Variants in GMDS observed in about 807,000 individuals in gnomAD.
GMDS encodes GDP-mannose 4,6 dehydratase.
GMDS carries 20 observed loss-of-function variants against 49.9 expected under a neutral mutation model. That is an observed-to-expected ratio of 0.40 (90% confidence interval 0.28 to 0.58). GMDS has a LOEUF of 0.58. Among genes scored for constraint, GMDS ranks in the 20% least tolerant of loss-of-function variants. The probability of loss-of-function intolerance (pLI) is 0.42; values close to 1 mark genes in which losing one functional copy is unlikely to be tolerated. For synonymous variants in GMDS, 177 were observed against 178.6 expected, an observed-to-expected ratio of 0.99 and a Z score of 0.07; for missense variants, 362 against 481.4, an observed-to-expected ratio of 0.75 and a Z score of 2.32.
In GMDS at chr6:1,836,406, C is replaced by T. The variant is rs1198438647; in HGVS notation, c.771+93697G>A. On this transcript the variant is annotated intron_variant, in intron 7 of 10. Coordinates refer to ENST00000380815, the MANE Select transcript of GMDS (RefSeq NM_001500.4). The surrounding 1 kb of genome is among the most constrained non-coding windows in gnomAD (Gnocchi z 4.2). ...GCAACTGCTACGCTATTTCACTAAA[C>T]TGAAAAAGGCATTTGTGTTGCCTGT... Among the ~76,000 whole-genome samples the T allele has an allele frequency of 6.6e-6, 1 of 152,182 alleles. No homozygotes were observed. The highest frequency in any genetic ancestry group is 1.9e-4 in the East Asian group (1 of 5,198).
rs2113602059 is a variant in GMDS at position 1,778,491 on chromosome 6, T to C, written c.772-35905A>G. Among the ~76,000 whole-genome samples, 1 of 152,294 alleles carries C rather than the reference T, an allele frequency of 6.6e-6. No individual in the cohort carries two copies. Among genetic ancestry groups the C allele is most frequent in the Middle Eastern group, 3.4e-3 (1 of 294 alleles). ...GGAATTCAAGAGGAGGGGGCAGCCT[T>C]CCTGACCTGGAACTTACTCCAGCCT... On this transcript the variant is annotated intron_variant, in intron 7 of 10. Coordinates refer to ENST00000380815, the MANE Select transcript of GMDS (RefSeq NM_001500.4). The surrounding 1 kb of genome is among the most constrained non-coding windows in gnomAD (Gnocchi z 4.6).
chr6:2,114,579 G>A (rs926198397), intron 4 of GMDS, among the ~76,000 whole-genome samples: 4 of 152,214 alleles, frequency 2.6e-5, no homozygotes, highest in Admixed American at 1.3e-4. Context: ...TTTGGTGAAA[G>A]TCTGGATATA....
At chr6:1,664,861 C>G (rs540112900) in intron 9 of GMDS, among the ~76,000 whole-genome samples, 1 of 152,298 alleles carries the variant, frequency 6.6e-6, no homozygotes, top group African/African-American at 2.4e-5. Flanking sequence ...CATTTTGAAA[C>G]TAAAGTTAGA....
At chr6:1,861,969 G>A (rs1169537780) in intron 7 of GMDS, among the ~76,000 whole-genome samples, 9 of 152,050 alleles carry the variant, frequency 5.9e-5, no homozygotes, top group Admixed American at 5.9e-4. Context: ...ATATATTTAG[G>A]AAAAGAGAAC....
At chr6:1,987,114 C>T (rs1364602870) in intron 4 of GMDS, among the ~76,000 whole-genome samples, 1 of 152,154 alleles carries the variant, frequency 6.6e-6, no homozygotes, top group Non-Finnish European at 1.5e-5. Context: ...GTGCTAGAAG[C>T]TTCCCTACTA....
intron 1 of GMDS, among the ~76,000 whole-genome samples, chr6:2,157,983 A>G (rs1777191358): frequency 6.6e-6 from 1 of 152,156 alleles, no homozygotes; most frequent in Non-Finnish European, 1.5e-5. Flanking sequence ...TGCCTGATAC[A>G]GTTCTGATTC....
At chr6:1,936,717 A>G (rs1216764310) in intron 6 of GMDS, among the ~76,000 whole-genome samples, 1 of 152,198 alleles carries the variant, frequency 6.6e-6, no homozygotes, top group Non-Finnish European at 1.5e-5. Context: ...CTGTAATCCC[A>G]ACACTTTGGG....
At chr6:1,659,070 C>G (rs901683969) in intron 9 of GMDS, among the ~76,000 whole-genome samples, 1 of 152,168 alleles carries the variant, frequency 6.6e-6, no homozygotes, top group Non-Finnish European at 1.5e-5. Flanking sequence ...TCCTCATGAA[C>G]CATGGGCCTC....
At chr6:1,624,723 G>A (rs1762793132) in intron 9 of GMDS, 183 bp from the exon 10 acceptor site, 2 of 606,132 alleles carry the variant, frequency 3.3e-6, no homozygotes, top group African/African-American at 1.9e-5. Context: ...TCACTAGGTC[G>A]CGGTTAAGAA....
intron 4 of GMDS, among the ~76,000 whole-genome samples, chr6:1,989,310 T>A (rs577901735): frequency 6.6e-6 from 1 of 152,252 alleles, no homozygotes; most frequent in South Asian, 2.1e-4. Context: ...GTAAAAAGGC[T>A]GTTAATGGAA....
At chr6:2,124,834 T>A in intron 1 of GMDS, 103 bp from the exon 2 acceptor site, 2 of 798,780 alleles carry the variant, frequency 2.5e-6, no homozygotes, top group South Asian at 1.5e-5. Flanking sequence ...CTACCTAACT[T>A]AAGGACAATG....
intron 1 of GMDS, among the ~76,000 whole-genome samples, chr6:2,176,208 A>G (rs1467862223): frequency 6.6e-6 from 1 of 152,196 alleles, no homozygotes; most frequent in Non-Finnish European, 1.5e-5. Flanking sequence ...CACTATATTT[A>G]TTAATTATAT....
chr6:2,229,096 G>T (rs1780956624), intron 1 of GMDS, among the ~76,000 whole-genome samples: 1 of 152,200 alleles, frequency 6.6e-6, no homozygotes, highest in Admixed American at 6.5e-5. Context: ...ACTGCAGATG[G>T]GGTGAGAGAG....
rs1455735342 is a variant in GMDS, at chr6:1,803,977, GTT to G, written c.772-61393_772-61392del. ...CACAGGTATGATTTAGTGTCTCTGAGTTTTAATACACATTTTGAAAGAAGTGC... is the reference window on the plus strand; with the variant it reads ...CACAGGTATGATTTAGTGTCTCTGAGTTAATACACATTTTGAAAGAAGTGC... On this transcript the variant is annotated intron_variant, in intron 7 of 10. Coordinates refer to ENST00000380815, the MANE Select transcript of GMDS (RefSeq NM_001500.4). Among the ~76,000 whole-genome samples the G allele has an allele frequency of 3.3e-5, 5 of 152,150 alleles. No individual in the cohort carries two copies. The South Asian group carries it at 6.2e-4, about 19-fold the overall frequency.
chr6:1,796,475 C>T (rs1458114925), intron 7 of GMDS, among the ~76,000 whole-genome samples: 1 of 152,150 alleles, frequency 6.6e-6, no homozygotes, highest in African/African-American at 2.4e-5. Context: ...GAGAGGGGCC[C>T]AGGAAACTCT....
At chr6:1,685,147 A>C (rs142523136) in intron 9 of GMDS, among the ~76,000 whole-genome samples, 1 of 152,180 alleles carries the variant, frequency 6.6e-6, no homozygotes, top group Non-Finnish European at 1.5e-5. Context: ...CTGTAATCCT[A>C]GCACTTTGGG....
intron 1 of GMDS, among the ~76,000 whole-genome samples, chr6:2,208,165 C>T (rs754246240): frequency 6.5e-4 from 99 of 152,228 alleles, no homozygotes; most frequent in African/African-American, 3.6e-4. Flanking sequence ...CTGCTGATTA[C>T]GGGGTCAACG....
Position 1,856,456 on chromosome 6 carries a change from T to C in GMDS, c.771+73647A>G, listed in dbSNP as rs552261867. ...AGCTACCATATGGAGTGCCAAACTC[T>C]ACCACTGCTGTAGACATTAGCTCTT... On this transcript the variant is annotated intron_variant, in intron 7 of 10. Transcript: ENST00000380815. Among the ~76,000 whole-genome samples the C allele has an allele frequency of 8.3e-4, 127 of 152,350 alleles. 3 individuals carry two copies. The highest frequency in any genetic ancestry group is 2.9e-3 in the African/African-American group (120 of 41,586).
chr6:1,893,215 A>G (rs1759966821), intron 7 of GMDS, among the ~76,000 whole-genome samples: 1 of 130,492 alleles, frequency 7.7e-6, no homozygotes, highest in Non-Finnish European at 1.6e-5. Context: ...TTTTTTTGAG[A>G]CGGAGTCTGA....
Sources: gnomAD v4.1 joint callset for allele counts (sites outside exome capture counted in the v4.1 genomes callset) on GRCh38, gnomAD v4.1.1 for gene constraint, Gnocchi (gnomAD v3.1) non-coding constraint, MANE v1.5 for transcripts, NCBI Gene and HGNC (gene_info 2026-07-23, HGNC 2026-07-21) for gene names.